The following WDR20 variants were observed in gnomAD, a reference collection of about 807,000 sequenced individuals.
WDR20 encodes the protein WD repeat domain 20.
In WDR20, 3 loss-of-function variants were observed where a neutral mutation model predicts 38.7. That is an observed-to-expected ratio of 0.08 (90% CI 0.04 to 0.20). The LOEUF is 0.20. WDR20 is among the 10% of genes least tolerant of loss of function. WDR20 has a pLI of 1.00. For missense variants in WDR20, 559 were observed against 727.7 expected, an observed-to-expected ratio of 0.77 and a Z score of 2.67; for synonymous variants, 298 against 285.6, an observed-to-expected ratio of 1.04 and a Z score of -0.44.
At chr14:102,181,339 T>C (rs527304988) in intron 1 of WDR20, among the ~76,000 whole-genome samples, 1 of 152,330 alleles carries the variant, frequency 6.6e-6, no homozygotes, top group African/African-American at 2.4e-5. Context: ...ATTACCTTAG[T>C]GCTCTTCCTA....
Position 102,208,608 on chromosome 14 carries a change from A to G in WDR20, c.438A>G (p.Leu146=). The change falls in exon 3 of 3, where the codon CTA becomes CTG. Residue 146 remains leucine, a synonymous_variant. Coordinates refer to ENST00000342702, the MANE Select transcript of WDR20 (RefSeq NM_144574.4). The surrounding 1 kb of genome is among the most constrained non-coding windows in gnomAD (Gnocchi z 5.6). ...ETSKLFNEER[L]IDKSRVTCVK... is the part of the protein sequence containing the mutation. ...GTTCTCCTTTGTCTTCACAGAGACT[A>G]ATAGACAAGTCACGAGTTACCTGTG... 1 of 1,605,404 alleles carries G rather than the reference A, an allele frequency of 6.2e-7. No individual in the cohort carries two copies. The highest frequency in any genetic ancestry group is 1.1e-5 in the South Asian group (1 of 90,624).
chr14:102,202,675 G>A (rs529673100), intron 2 of WDR20, among the ~76,000 whole-genome samples: 15 of 151,998 alleles, frequency 9.9e-5, no homozygotes, highest in South Asian at 2.1e-4. Flanking sequence ...CCACTGCGCC[G>A]GGCCTGTACG....
chr14:102,217,964 G>T (rs191062872), downstream of WDR20, among the ~76,000 whole-genome samples: 1 of 152,224 alleles, frequency 6.6e-6, no homozygotes, highest in African/African-American at 2.4e-5. Context: ...CAGGGGCTAC[G>T]TGCAGGGCCA....
intron 1 of WDR20, among the ~76,000 whole-genome samples, chr14:102,150,177 C>T (rs1022101746): frequency 6.6e-6 from 1 of 151,996 alleles, no homozygotes; most frequent in African/African-American, 2.4e-5. Context: ...TTTATATTTA[C>T]AAAGTAAGAA....
rs2063909815 is a variant in WDR20 at position 102,221,635 on chromosome 14, A to G, written c.1693-1195A>G. 6.6e-6 allele frequency among the ~76,000 whole-genome samples: 1 copy of G among 152,210 alleles called. No homozygotes were observed. Among genetic ancestry groups the G allele is most frequent in the Admixed American group, 6.5e-5 (1 of 15,286 alleles). On this transcript the variant is annotated intron_variant, in intron 3 of 3. Transcript: ENST00000335263. This position sits in a 1 kb window ranked among gnomAD's most constrained non-coding sequence, Gnocchi z 4.8. ...TTCCGTTTGCTTCCTGAGCTTGTCTAGGTGAACAGATTTCAGGTGGAAGGT... is the reference window on the plus strand; with the variant it reads ...TTCCGTTTGCTTCCTGAGCTTGTCTGGGTGAACAGATTTCAGGTGGAAGGT...
At chr14:102,202,610 G>A (rs1269459075) in intron 2 of WDR20, among the ~76,000 whole-genome samples, 2 of 151,990 alleles carry the variant, frequency 1.3e-5, no homozygotes, top group African/African-American at 2.4e-5. Flanking sequence ...TCGATCTCCT[G>A]ACCTCGTGAT....
At position 102,154,807 on chromosome 14, in the gene WDR20, A is replaced by G. The variant is rs555038405; in HGVS notation, c.249+14635A>G. The stretch of plus-strand genomic sequence containing the variant: ...TTATTGGTGAGAATGATAACTTCAC[A>G]GTCTATAAAGCATTTACATAGAGCA... On this transcript the variant is annotated intron_variant, in intron 1 of 2. Transcript: ENST00000342702. Among the ~76,000 whole-genome samples, 424 of 152,326 alleles carry G rather than the reference A, an allele frequency of 2.8e-3. 1 individual carries two copies. Among genetic ancestry groups the G allele is most frequent in the Non-Finnish European group, 4.9e-3 (332 of 68,026 alleles).
At chr14:102,179,056 CATGTAA>C (rs1272424002) in intron 1 of WDR20, 1 of 152,116 alleles carries the variant, frequency 6.6e-6, no homozygotes, top group Non-Finnish European at 1.5e-5. Flanking sequence ...CCCCGCTTTT[CATGTAA>C]ACTCTTGCTC....
chr14:102,213,850 C>T (rs993297396), downstream of WDR20: 6 of 985,250 alleles, frequency 6.1e-6, no homozygotes, highest in African/African-American at 3.5e-5. Flanking sequence ...GGGTTGGGGG[C>T]GGCTGGAGAA....
At chr14:102,165,077 A>G (rs1282408008) in intron 1 of WDR20, among the ~76,000 whole-genome samples, 1 of 151,718 alleles carries the variant, frequency 6.6e-6, no homozygotes, top group Non-Finnish European at 1.5e-5. Context: ...TCCTTTTCCC[A>G]CTCAGTTGCC....
chr14:102,201,969 C>T (rs2060471133), intron 2 of WDR20, among the ~76,000 whole-genome samples: 1 of 152,148 alleles, frequency 6.6e-6, no homozygotes, highest in Admixed American at 6.5e-5. Context: ...CTCTCCTCCA[C>T]TGCTTCCCAC....
intron 2 of WDR20, chr14:102,197,755 A>C (rs942932658): frequency 1.4e-6 from 1 of 701,112 alleles, no homozygotes; most frequent in South Asian, 1.5e-5. Flanking sequence ...GTTTTTTTAG[A>C]ACTCTTGTCA....
chr14:102,156,236 C>T (rs1353112273), intron 1 of WDR20, among the ~76,000 whole-genome samples: 1 of 150,358 alleles, frequency 6.7e-6, no homozygotes, highest in Non-Finnish European at 1.5e-5. Context: ...GGCATGATCT[C>T]GGCTCACTGC....
At chr14:102,169,855 T>C (rs964173124) in intron 1 of WDR20, among the ~76,000 whole-genome samples, 5 of 152,178 alleles carry the variant, frequency 3.3e-5, no homozygotes, top group African/African-American at 1.2e-4. Flanking sequence ...TGAGAAAGTC[T>C]GCATTGGGAA....
chr14:102,191,581 A>G (rs931140414), intron 1 of WDR20, among the ~76,000 whole-genome samples: 9 of 152,168 alleles, frequency 5.9e-5, no homozygotes, highest in Non-Finnish European at 7.4e-5. Context: ...GGCTCCAAAA[A>G]GCTCTGGCCC....
Position 102,196,649 on chromosome 14 carries a change from G to A in WDR20, c.432+1529G>A, listed in dbSNP as rs180775655. Among the ~76,000 whole-genome samples the A allele has an allele frequency of 4.6e-3, 694 of 151,498 alleles. 6 individuals carry two copies. Among genetic ancestry groups the A allele is most frequent in the African/African-American group, 0.016 (642 of 41,418 alleles). On this transcript the variant is annotated intron_variant, in intron 2 of 2. Coordinates refer to ENST00000342702, the MANE Select transcript of WDR20 (RefSeq NM_144574.4). ...AGAGAACAAGAAAGTTTTGTGTGTC[G>A]TGGCAGGGGGAGGGCAGGGAGTTGG...
At chr14:102,143,458 A>G (rs1434285328) in intron 1 of WDR20, among the ~76,000 whole-genome samples, 3 of 152,162 alleles carry the variant, frequency 2.0e-5, no homozygotes, top group African/African-American at 7.2e-5. Context: ...TGATAGTAAT[A>G]ATACCAGGCA....
chr14:102,222,893 T>A lies in WDR20; in HGVS notation c.*10T>A. On this transcript the variant is annotated 3_prime_UTR_variant, in exon 4 of 4. Transcript: ENST00000335263. This position sits in a 1 kb window ranked among gnomAD's most constrained non-coding sequence, Gnocchi z 4.4. ...TGGAACTGTAGTGTAGCGACCTCACTGCTGCGCGCACAGTCTCCCGGGACT... is the reference window on the plus strand; with the variant it reads ...TGGAACTGTAGTGTAGCGACCTCACAGCTGCGCGCACAGTCTCCCGGGACT... The A allele has an allele frequency of 6.2e-7, 1 of 1,614,132 alleles. No individual in the cohort carries two copies. The highest frequency in any genetic ancestry group is 8.5e-7 in the Non-Finnish European group (1 of 1,179,962).
intron 2 of WDR20, among the ~76,000 whole-genome samples, chr14:102,206,232 C>A (rs2061515714): frequency 6.6e-6 from 1 of 152,208 alleles, no homozygotes; most frequent in South Asian, 2.1e-4. Flanking sequence ...AGTGATCCAC[C>A]CTCCTCGGCC....
Sources: allele counts gnomAD v4.1 joint callset (sites outside exome capture counted in the v4.1 genomes callset), GRCh38; gene constraint gnomAD v4.1.1; non-coding constraint Gnocchi (gnomAD v3.1); transcripts MANE v1.5; gene names NCBI Gene and HGNC (gene_info 2026-07-23, HGNC 2026-07-21).